The following PTPRD variants were observed in gnomAD, a reference collection of about 807,000 sequenced individuals.
PTPRD encodes the protein protein tyrosine phosphatase receptor type D.
In PTPRD, 34 loss-of-function variants were observed where a neutral mutation model predicts 214.5. The observed-to-expected ratio is 0.16, with a 90% CI of 0.12 to 0.21. PTPRD has a LOEUF of 0.21. Ranked by LOEUF, PTPRD falls within the 10% of genes least tolerant of loss-of-function variation. The pLI, the probability that PTPRD is intolerant of heterozygous loss-of-function variation, is 1.00. For missense variants in PTPRD, 2,545 were observed against 2,398.7 expected (o/e 1.06, Z -1.27); for synonymous variants, 1,128 against 845.7 (o/e 1.33, Z -5.79).
chr9:8,493,202 G>A (rs1032677146), intron 26 of PTPRD, among the ~76,000 whole-genome samples: 7 of 152,144 alleles, frequency 4.6e-5, no homozygotes, highest in Non-Finnish European at 1.0e-4. Context: ...TAGGGTATTA[G>A]TCAAAGACAT....
chr9:8,988,388 T>TA (rs2099353753), intron 11 of PTPRD, among the ~76,000 whole-genome samples: 1 of 152,232 alleles, frequency 6.6e-6, no homozygotes, highest in African/African-American at 2.4e-5. Flanking sequence ...CAGTGACATC[T>TA]ATTAGGGCTA....
chr9:8,538,855 A>G (rs2077628676), intron 14 of PTPRD, among the ~76,000 whole-genome samples: 1 of 151,898 alleles, frequency 6.6e-6, no homozygotes, highest in Admixed American at 6.6e-5. Flanking sequence ...TCCAGTTGAA[A>G]GGAAACACTT....
intron 10 of PTPRD, among the ~76,000 whole-genome samples, chr9:9,103,492 G>A (rs1224716261): frequency 6.6e-6 from 1 of 152,008 alleles, no homozygotes; most frequent in Non-Finnish European, 1.5e-5. Flanking sequence ...TATGTTAAAT[G>A]AGAATGTATT....
At chr9:9,299,627 T>C (rs1322173046) in intron 9 of PTPRD, among the ~76,000 whole-genome samples, 1 of 151,814 alleles carries the variant, frequency 6.6e-6, no homozygotes, top group Non-Finnish European at 1.5e-5. Context: ...AGGTCATCCA[T>C]ACACATCTTA....
At chr9:9,541,086 G>C (rs2077493666) in intron 8 of PTPRD, among the ~76,000 whole-genome samples, 1 of 151,826 alleles carries the variant, frequency 6.6e-6, no homozygotes, top group Admixed American at 6.6e-5. Flanking sequence ...GTGACAGGAA[G>C]AGGAGAAATA....
intron 2 of PTPRD, among the ~76,000 whole-genome samples, chr9:10,596,574 ATAATT>A (rs1349643331): frequency 1.1e-4 from 17 of 151,748 alleles, no homozygotes; most frequent in Admixed American, 3.9e-4. Context: ...ATGGAATGGC[ATAATT>A]TAATGATTAT....
At chr9:8,651,422 G>T (rs1229388032) in intron 12 of PTPRD, among the ~76,000 whole-genome samples, 1 of 152,148 alleles carries the variant, frequency 6.6e-6, no homozygotes, top group African/African-American at 2.4e-5. Flanking sequence ...AACTCAAATT[G>T]ATGTTAATCG....
intron 9 of PTPRD, among the ~76,000 whole-genome samples, chr9:9,395,179 A>G (rs1266379613): frequency 1.4e-5 from 2 of 141,752 alleles, no homozygotes; most frequent in African/African-American, 5.0e-5. Context: ...CCTCCCAGGA[A>G]CATGAAACAA....
chr9:8,512,192 A>C (rs1008818910), intron 21 of PTPRD, among the ~76,000 whole-genome samples: 1 of 152,084 alleles, frequency 6.6e-6, no homozygotes, highest in African/African-American at 2.4e-5. Flanking sequence ...AATGACAATA[A>C]AACCGACAGC....
At chr9:9,922,693 A>T (rs562484423) in intron 5 of PTPRD, among the ~76,000 whole-genome samples, 6 of 152,266 alleles carry the variant, frequency 3.9e-5, no homozygotes, top group African/African-American at 1.4e-4. Flanking sequence ...TTGGAAAAGT[A>T]TGAAAAATAA....
At chr9:8,816,381 C>G (rs937609407) in intron 11 of PTPRD, among the ~76,000 whole-genome samples, 2 of 152,166 alleles carry the variant, frequency 1.3e-5, no homozygotes, top group Non-Finnish European at 2.9e-5. Flanking sequence ...GAGCCAAGCA[C>G]TCTTTTGATT....
At chr9:8,905,590 T>A (rs899278210) in intron 11 of PTPRD, among the ~76,000 whole-genome samples, 4 of 151,760 alleles carry the variant, frequency 2.6e-5, no homozygotes, top group Non-Finnish European at 5.9e-5. Flanking sequence ...AATACAAAAA[T>A]TAGTTGGGCA....
chr9:9,054,364 T>C (rs560582468), intron 10 of PTPRD, among the ~76,000 whole-genome samples: 1 of 152,368 alleles, frequency 6.6e-6, no homozygotes, highest in Admixed American at 6.5e-5. Flanking sequence ...CTGAGACTTC[T>C]CTGGAAAGCT....
intron 3 of PTPRD, among the ~76,000 whole-genome samples, chr9:10,130,228 A>G (rs2098850482): frequency 6.6e-6 from 1 of 150,898 alleles, no homozygotes; most frequent in Admixed American, 6.6e-5. Context: ...TCACATTCCA[A>G]TTGAGATAGC....
At chr9:8,537,368 A>T (rs956039509) in intron 14 of PTPRD, among the ~76,000 whole-genome samples, 3 of 152,070 alleles carry the variant, frequency 2.0e-5, no homozygotes, top group African/African-American at 7.2e-5. Flanking sequence ...TTAATACATG[A>T]CATTCCAAAT....
intron 9 of PTPRD, among the ~76,000 whole-genome samples, chr9:9,274,940 T>C (rs947389844): frequency 2.1e-5 from 3 of 144,840 alleles, no homozygotes; most frequent in African/African-American, 7.7e-5. Flanking sequence ...AAGATTTTAA[T>C]AAACATGAAA....
rs1200145323 is a variant in PTPRD at position 8,929,777 on chromosome 9, ATGGG to A, written c.-104+88916_-104+88919del. ...TATATGTATATATATGTGTATATAT[ATGGG>A]TGTGTATATATGTGTGTGTATATAT... On this transcript the variant is annotated intron_variant, in intron 11 of 45. Coordinates refer to ENST00000381196, the MANE Select transcript of PTPRD (RefSeq NM_002839.4). 3.4e-3 allele frequency among the ~76,000 whole-genome samples: 305 copies of A among 89,410 alleles called. 14 individuals are homozygous for A. The highest frequency in any genetic ancestry group is 0.011 in the African/African-American group (224 of 20,492). The allele number at this position is 89,410 out of a possible 152,430, so 58.7% of individuals were successfully genotyped here. A position where few individuals can be genotyped will look rare whatever the true frequency, so the allele number is the denominator to read the frequency against.
intron 2 of PTPRD, among the ~76,000 whole-genome samples, chr9:10,487,641 G>A (rs2099141252): frequency 6.6e-6 from 1 of 151,782 alleles, no homozygotes; most frequent in African/African-American, 2.4e-5. Context: ...TCATAAGTGG[G>A]AGTTGAACAA....
chr9:9,901,203 T>C (rs1046908939), intron 5 of PTPRD, among the ~76,000 whole-genome samples: 1 of 152,176 alleles, frequency 6.6e-6, no homozygotes, highest in Admixed American at 6.5e-5. Context: ...GGACTAGCCT[T>C]TAGCAGCCAC....
Sources: allele counts gnomAD v4.1 joint callset (sites outside exome capture counted in the v4.1 genomes callset), GRCh38; gene constraint gnomAD v4.1.1; transcripts MANE v1.5; gene names NCBI Gene and HGNC (gene_info 2026-07-23, HGNC 2026-07-21).